Variants in ATP5MG observed in about 807,000 individuals in gnomAD.
The protein encoded by ATP5MG is ATP synthase F(0) complex subunit g, mitochondrial.
A neutral mutation model predicts 12.7 loss-of-function variants in ATP5MG; 7 were observed. The ratio of observed to expected loss-of-function variants is 0.55; its 90% confidence interval spans 0.31 to 1.04. ATP5MG has a LOEUF of 1.04. Among genes scored for constraint, ATP5MG ranks in the 50% least tolerant of loss-of-function variants. The probability of loss-of-function intolerance (pLI) is 0.05; values close to 1 mark genes in which losing one functional copy is unlikely to be tolerated. For missense variants in ATP5MG, 116 were observed against 126.7 expected (o/e 0.92, Z 0.41); for synonymous variants, 53 against 48.2 (o/e 1.10, Z -0.41).
chr11:118,405,432 A>T (rs1201149398), intron 1 of ATP5MG, among the ~76,000 whole-genome samples: 1 of 152,184 alleles, frequency 6.6e-6, no homozygotes, highest in Admixed American at 6.5e-5. Flanking sequence ...TCTAGCTCCC[A>T]TTATCTACCA....
chr11:118,402,367 T>C (rs1007712800), intron 1 of ATP5MG, among the ~76,000 whole-genome samples: 16 of 152,126 alleles, frequency 1.1e-4, no homozygotes, highest in African/African-American at 3.9e-4. Flanking sequence ...TTTTTTCAGC[T>C]TGAAGAGCCT....
chr11:118,402,501 G>A (rs1948936479), intron 1 of ATP5MG, among the ~76,000 whole-genome samples: 1 of 152,094 alleles, frequency 6.6e-6, no homozygotes, highest in Non-Finnish European at 1.5e-5. Flanking sequence ...TATTCCTGAA[G>A]TGAGATAAGC....
At chr11:118,406,720 C>A in intron 1 of ATP5MG, 1 of 609,436 alleles carries the variant, frequency 1.6e-6, no homozygotes, top group Non-Finnish European at 2.8e-6. Flanking sequence ...AGCATCCTGC[C>A]TGATTGAACA....
At chr11:118,403,657 G>A (rs1198504155) in intron 1 of ATP5MG, among the ~76,000 whole-genome samples, 1 of 151,758 alleles carries the variant, frequency 6.6e-6, no homozygotes, top group Non-Finnish European at 1.5e-5. Context: ...GCCGGGCATG[G>A]TGGCAGGCGC....
intron 2 of ATP5MG, 21 bp from the exon 3 acceptor site, chr11:118,408,979 A>C: frequency 7.2e-7 from 1 of 1,387,968 alleles, no homozygotes; most frequent in Non-Finnish European, 9.9e-7. Context: ...GGTACCTTAA[A>C]ATGTATGCTT....
At chr11:118,408,026 G>A (rs1555132415) in intron 2 of ATP5MG, among the ~76,000 whole-genome samples, 1 of 152,168 alleles carries the variant, frequency 6.6e-6, no homozygotes, top group Admixed American at 6.5e-5. Context: ...GCCGGGCGTG[G>A]TGGCGGAAGC....
At chr11:118,403,502 A>C (rs1565545669) in intron 1 of ATP5MG, among the ~76,000 whole-genome samples, 1 of 150,042 alleles carries the variant, frequency 6.7e-6, no homozygotes, top group African/African-American at 2.5e-5. Context: ...TCTCAAAAAA[A>C]AAAAATAATA....
At chr11:118,402,972 TTA>T (rs1340756235) in intron 1 of ATP5MG, among the ~76,000 whole-genome samples, 1 of 152,020 alleles carries the variant, frequency 6.6e-6, no homozygotes, top group Non-Finnish European at 1.5e-5. Flanking sequence ...AGTGCCAGAG[TTA>T]CAGGTGTGAG....
At position 118,408,981 on chromosome 11, in the gene ATP5MG, T is replaced by G; in HGVS notation, c.214-19T>G. 7.1e-7 allele frequency: 1 copy of G among 1,411,614 alleles called. No individual in the cohort carries two copies. The highest frequency in any genetic ancestry group is 9.7e-7 in the Non-Finnish European group (1 of 1,027,230). 87.4% of individuals were successfully genotyped at this position (1,411,614 alleles called of 1,614,324 possible). ...TATATATATAAAAGGTACCTTAAAATGTATGCTTCTTTTTTCAGGAAGCTG... is the reference window on the plus strand; with the variant it reads ...TATATATATAAAAGGTACCTTAAAAGGTATGCTTCTTTTTTCAGGAAGCTG... On this transcript the variant is annotated intron_variant, in intron 2 of 2. Transcript: ENST00000300688.
At position 118,401,631 on chromosome 11, in the gene ATP5MG, G is replaced by A; in HGVS notation, c.-35G>A. 11 of 1,613,798 alleles carry A rather than the reference G, an allele frequency of 6.8e-6. No individual in the cohort carries two copies. The highest frequency in any genetic ancestry group is 9.3e-6 in the Non-Finnish European group (11 of 1,179,760). ...CCTTCCGGCGGGTGACATTCAGCCG[G>A]CGGTTCGGGGCGACGGACTCTCCAT... On this transcript the variant is annotated 5_prime_UTR_variant, in exon 1 of 3. Transcript: ENST00000300688.
In ATP5MG at chr11:118,403,012, A is replaced by C. The variant is rs7951363; in HGVS notation, c.52+1295A>C. Reference sequence around the variant, plus strand: ...ACAGCGCCAGCCGGGTAATTTATCCATTCTCTCCTCCCTTCCCTCCATCAC... The same window carrying C: ...ACAGCGCCAGCCGGGTAATTTATCCCTTCTCTCCTCCCTTCCCTCCATCAC... On this transcript the variant is annotated intron_variant, in intron 1 of 2. Transcript: ENST00000300688. Among the ~76,000 whole-genome samples the C allele has an allele frequency of 9.8e-3, 1,492 of 152,044 alleles. 33 individuals are homozygous for C. The highest frequency in any genetic ancestry group is 0.034 in the African/African-American group (1,422 of 41,484).
chr11:118,404,737 A>G (rs782772961), intron 1 of ATP5MG, among the ~76,000 whole-genome samples: 1 of 152,210 alleles, frequency 6.6e-6, no homozygotes, highest in Admixed American at 6.5e-5. Context: ...GTTCTATTCT[A>G]TAGAAGCAAA....
chr11:118,405,117 C>T (rs1948961714), intron 1 of ATP5MG, among the ~76,000 whole-genome samples: 1 of 152,162 alleles, frequency 6.6e-6, no homozygotes, highest in Admixed American at 6.5e-5. Flanking sequence ...TTTTATTGGA[C>T]AATAGAATTG....
rs1184063899 is a variant in ATP5MG, at chr11:118,407,029, G to A, written c.145G>A (p.Ala49Thr). 1.9e-6 allele frequency: 3 copies of A among 1,613,976 alleles called. No individual in the cohort carries two copies. Among genetic ancestry groups the A allele is most frequent in the Admixed American group, 3.3e-5 (2 of 60,002 alleles). ...VPPTPAEIPR[A>T]IQSLKKIVNS... ...TCCCACCCCTGCTGAGATCCCTAGA[G>A]CTATTCAGAGCCTGAAAAAAATAGT... The change falls in exon 2 of 3, where the codon GCT (alanine) becomes ACT (threonine). Residue 49 changes from alanine to threonine, a missense_variant. Physicochemically the swap from Ala to Thr is moderately conservative, Grantham distance 58. Coordinates refer to ENST00000300688, the MANE Select transcript of ATP5MG (RefSeq NM_006476.5).
At position 118,409,537 on chromosome 11, in the gene ATP5MG, T is replaced by TA. The variant is rs1455429075; in HGVS notation, c.*443dup. ...ATAACATTTCAACTGTTTTCTTTGCTAAAATCACAGAAAGACCCTATTGAC... is the reference window on the plus strand; with the variant it reads ...ATAACATTTCAACTGTTTTCTTTGCTAAAAATCACAGAAAGACCCTATTGAC... On this transcript the variant is annotated 3_prime_UTR_variant, in exon 3 of 3. Coordinates refer to ENST00000300688, the MANE Select transcript of ATP5MG (RefSeq NM_006476.5). The TA allele has an allele frequency of 6.6e-6, 1 of 152,466 alleles. No individual in the cohort carries two copies. Among genetic ancestry groups the TA allele is most frequent in the Non-Finnish European group, 1.5e-5 (1 of 68,210 alleles). 9.4% of individuals were successfully genotyped at this position (152,466 alleles called of 1,614,324 possible). A position where few individuals can be genotyped will look rare whatever the true frequency, so the allele number is the denominator to read the frequency against.
At chr11:118,408,266 A>C (rs1948989802) in intron 2 of ATP5MG, among the ~76,000 whole-genome samples, 1 of 152,246 alleles carries the variant, frequency 6.6e-6, no homozygotes, top group Non-Finnish European at 1.5e-5. Flanking sequence ...TAGAGCCTAC[A>C]TCCTGGGAAG....
intron 1 of ATP5MG, among the ~76,000 whole-genome samples, chr11:118,404,386 A>G (rs1335283407): frequency 6.6e-6 from 1 of 152,018 alleles, no homozygotes; most frequent in Non-Finnish European, 1.5e-5. Context: ...TTTAGTTTCT[A>G]TGTCTTCCCA....
chr11:118,406,960 C>G lies in ATP5MG; in HGVS notation c.76C>G (p.Arg26Gly). 1 of 1,611,578 alleles carries G rather than the reference C, an allele frequency of 6.2e-7. No individual in the cohort carries two copies. The highest frequency in any genetic ancestry group is 1.3e-5 in the African/African-American group (1 of 74,914). Residue 26 changes from arginine to glycine, a missense_variant, in exon 2 of 3, where the codon CGA (arginine) becomes GGA (glycine). Coordinates refer to ENST00000300688, the MANE Select transcript of ATP5MG (RefSeq NM_006476.5). ...VNAAVTYSKP[R>G]LATFWYYAKV... ...AGCTGCTGTGACTTACTCGAAGCCT[C>G]GATTGGCCACATTTTGGTACTACGC...
chr11:118,402,189 C>T (rs1283927901), intron 1 of ATP5MG, among the ~76,000 whole-genome samples: 2 of 152,118 alleles, frequency 1.3e-5, no homozygotes, highest in African/African-American at 4.8e-5. Context: ...CTTTTTTGAA[C>T]GTTGACTTTG....
Sources: gnomAD v4.1 joint callset for allele counts (sites outside exome capture counted in the v4.1 genomes callset) on GRCh38, gnomAD v4.1.1 for gene constraint, MANE v1.5 for transcripts, NCBI Gene and HGNC (gene_info 2026-07-23, HGNC 2026-07-21) for gene names.